SCNN1G: variants seen among roughly 807,000 people sequenced by gnomAD.
The protein encoded by SCNN1G is epithelial sodium channel subunit gamma.
A neutral mutation model predicts 64.6 loss-of-function variants in SCNN1G; 27 were observed. The ratio of observed to expected loss-of-function variants is 0.42; its 90% CI spans 0.31 to 0.58. SCNN1G has a LOEUF of 0.58. SCNN1G is among the 20% of genes least tolerant of loss of function. The pLI is 0.18. For missense variants in SCNN1G, 743 were observed against 823.4 expected, an observed-to-expected ratio of 0.90 and a Z score of 1.19; for synonymous variants, 330 against 314.2, an observed-to-expected ratio of 1.05 and a Z score of -0.53.
In SCNN1G at chr16:23,190,715, G is replaced by T. The variant is rs191464620; in HGVS notation, c.618+1044G>T. On this transcript the variant is annotated intron_variant, in intron 3 of 12. Transcript: ENST00000300061. Reference sequence around the variant, plus strand: ...CTTCCAAAGCAAAATTGAGGTGCAGGCACCCAAAAGAAAAAGACGGACAAT... The same window carrying T: ...CTTCCAAAGCAAAATTGAGGTGCAGTCACCCAAAAGAAAAAGACGGACAAT... Among the ~76,000 whole-genome samples, 159 of 151,814 alleles carry T rather than the reference G, an allele frequency of 1.0e-3. 1 individual carries two copies. Among genetic ancestry groups the T allele is most frequent in the East Asian group, 3.3e-3 (17 of 5,156 alleles).
Position 23,189,649 on chromosome 16 carries a change from A to G in SCNN1G, c.596A>G (p.Lys199Arg). ...TCAAATGTCATGCACATCGAGTCCA[A>G]GCAAGTGGTGGGATTCCAACTGGTA... Reference protein sequence around the residue: ...KASNVMHIESKQVVGFQLCSN... With the variant: ...KASNVMHIESRQVVGFQLCSN... Residue 199 changes from lysine (K) to arginine (R), a missense_variant, in exon 3 of 13, where the codon AAG becomes AGG. Lys to Arg is a conservative substitution (Grantham distance 26). Coordinates refer to ENST00000300061, the MANE Select transcript of SCNN1G (RefSeq NM_001039.4). 6.2e-7 allele frequency: 1 copy of G among 1,614,226 alleles called. No homozygotes were observed. Among genetic ancestry groups the G allele is most frequent in the South Asian group, 1.1e-5 (1 of 91,086 alleles).
At chr16:23,199,758 A>G (rs1040479471) in intron 6 of SCNN1G, among the ~76,000 whole-genome samples, 3 of 134,706 alleles carry the variant, frequency 2.2e-5, no homozygotes, top group African/African-American at 8.5e-5. Flanking sequence ...TGCAAGCTCC[A>G]CATCCCAGGT....
intron 4 of SCNN1G, among the ~76,000 whole-genome samples, chr16:23,193,181 A>C (rs1959739827): frequency 6.6e-6 from 1 of 151,684 alleles, no homozygotes; most frequent in Non-Finnish European, 1.5e-5. Flanking sequence ...CTTGTATATT[A>C]CCATCATGCA....
At chr16:23,186,628 G>A in intron 2 of SCNN1G, 40 bp downstream of exon 2, 3 of 1,567,064 alleles carry the variant, frequency 1.9e-6, no homozygotes, top group South Asian at 1.1e-5. Context: ...AGGGAGCCAG[G>A]CCCCCCACAG....
intron 5 of SCNN1G, among the ~76,000 whole-genome samples, chr16:23,195,624 T>G (rs1313250052): frequency 1.3e-5 from 2 of 152,202 alleles, no homozygotes; most frequent in Non-Finnish European, 2.9e-5. Flanking sequence ...ATCTGGAAAC[T>G]GAAAGTGAAA....
At position 23,189,650 on chromosome 16, in the gene SCNN1G, G is replaced by C. The variant is rs1959673798; in HGVS notation, c.597G>C (p.Lys199Asn). 1 of 1,614,104 alleles carries C rather than the reference G, an allele frequency of 6.2e-7. No homozygotes were observed. Residue 199 changes from lysine to asparagine, a missense_variant, in exon 3 of 13, where the codon AAG becomes AAC. Lys to Asn is a moderately conservative substitution (Grantham distance 94). Transcript: ENST00000300061. ...CAAATGTCATGCACATCGAGTCCAA[G>C]CAAGTGGTGGGATTCCAACTGGTAA... ...KASNVMHIES[K>N]QVVGFQLCSN...
In SCNN1G at chr16:23,197,192, TG is replaced by T. The variant is rs923327826; in HGVS notation, c.914-69del. On this transcript the variant is annotated intron_variant, in intron 5 of 12. Coordinates refer to ENST00000300061, the MANE Select transcript of SCNN1G (RefSeq NM_001039.4). ...CTTGGGTTTGAAGCTCCTGAAGCAG[TG>T]GGAGAGGTGGTTTACCCCCAGGAAA... 7 of 1,280,308 alleles carry T rather than the reference TG, an allele frequency of 5.5e-6. No individual in the cohort carries two copies. The African/African-American group carries it at 1.0e-4, about 19-fold the overall frequency. The allele number at this position is 1,280,308 out of a possible 1,614,324, so 79.3% of individuals were successfully genotyped here. A position where few individuals can be genotyped will look rare whatever the true frequency, so the allele number is the denominator to read the frequency against.
At chr16:23,212,182 C>G in intron 8 of SCNN1G, 31 bp downstream of exon 8, 1 of 1,440,412 alleles carries the variant, frequency 6.9e-7, no homozygotes, top group Middle Eastern at 1.8e-4. Flanking sequence ...GCCTTGCATG[C>G]CCCAGGACCA....
intron 6 of SCNN1G, among the ~76,000 whole-genome samples, chr16:23,200,908 A>G (rs904063079): frequency 1.3e-5 from 2 of 152,212 alleles, no homozygotes; most frequent in Non-Finnish European, 2.9e-5. Context: ...GAAAAGGACA[A>G]CACTGGACAA....
intron 11 of SCNN1G, 57 bp from the exon 12 acceptor site, chr16:23,214,655 G>C: frequency 2.2e-6 from 3 of 1,359,266 alleles, no homozygotes; most frequent in South Asian, 2.3e-5. Context: ...GCCATGCTGA[G>C]GACTGGTAAT....
intron 2 of SCNN1G, among the ~76,000 whole-genome samples, chr16:23,188,013 C>A (rs1164207409): frequency 6.6e-6 from 1 of 152,076 alleles, no homozygotes; most frequent in Non-Finnish European, 1.5e-5. Flanking sequence ...TTTCTCCCTC[C>A]CTCCTTCTCT....
In SCNN1G at chr16:23,202,858, A is replaced by T. The variant is rs180921630; in HGVS notation, c.1077+5431A>T. Among the ~76,000 whole-genome samples, 189 of 152,308 alleles carry T rather than the reference A, an allele frequency of 1.2e-3. 1 individual carries two copies. In the Middle Eastern group the frequency reaches 0.014, roughly 11 times the overall value. On this transcript the variant is annotated intron_variant, in intron 6 of 12. Coordinates refer to ENST00000300061, the MANE Select transcript of SCNN1G (RefSeq NM_001039.4). ...GGGCAGGGTATGTTTTTGGGAGAAG[A>T]TGACCACTTCGATTTGGGACAGACC...
chr16:23,214,205 G>A (rs991311249), intron 11 of SCNN1G, among the ~76,000 whole-genome samples: 4 of 152,178 alleles, frequency 2.6e-5, no homozygotes, highest in Admixed American at 6.5e-5. Context: ...CCACATCTGC[G>A]AAATGAGGAT....
At chr16:23,187,106 CT>C (rs991130957) in intron 2 of SCNN1G, among the ~76,000 whole-genome samples, 1,788 of 117,912 alleles carry the variant, frequency 0.015, 22 homozygotes, top group African/African-American at 0.044. Context: ...CTGGCCTTTT[CT>C]TTTTTTTTTT....
chr16:23,183,966 C>G lies in SCNN1G; in HGVS notation c.-45+1153C>G, dbSNP rs546650374. Among the ~76,000 whole-genome samples the G allele has an allele frequency of 1.7e-3, 264 of 152,254 alleles. 3 individuals are homozygous for G. Among genetic ancestry groups the G allele is most frequent in the African/African-American group, 5.4e-3 (223 of 41,540 alleles). ...TTGTACAATGGAGGTGGTTGTGATA[C>G]CTACCTCAGACGATTATCGTGAAAA... On this transcript the variant is annotated intron_variant, in intron 1 of 12. Coordinates refer to ENST00000300061, the MANE Select transcript of SCNN1G (RefSeq NM_001039.4).
At chr16:23,214,871 T>G in intron 12 of SCNN1G, 84 bp downstream of exon 12, 2 of 1,271,248 alleles carry the variant, frequency 1.6e-6, no homozygotes, top group Non-Finnish European at 2.3e-6. Context: ...AGAATCAGGG[T>G]AGGGGGTTCC....
chr16:23,197,238 C>T (rs1425320249), intron 5 of SCNN1G, 26 bp from the exon 6 acceptor site: 2 of 1,607,470 alleles, frequency 1.2e-6, no homozygotes, highest in Non-Finnish European at 1.7e-6. Context: ...AGCCTTGGAT[C>T]ACAGCAGGTT....
intron 4 of SCNN1G, 66 bp from the exon 5 acceptor site, chr16:23,194,105 C>A: frequency 9.3e-7 from 1 of 1,078,866 alleles, no homozygotes; most frequent in Non-Finnish European, 1.4e-6. Context: ...ATTAGCACTG[C>A]CCTGCCCAAC....
At chr16:23,192,654 T>C in intron 4 of SCNN1G, 112 bp downstream of exon 4, 1 of 841,674 alleles carries the variant, frequency 1.2e-6, no homozygotes, top group Non-Finnish European at 2.0e-6. Flanking sequence ...AAAGGTGCTC[T>C]TCTCACTGAT....
Sources: gnomAD v4.1 joint callset for allele counts (sites outside exome capture counted in the v4.1 genomes callset) on GRCh38, gnomAD v4.1.1 for gene constraint, MANE v1.5 for transcripts, NCBI Gene and HGNC (gene_info 2026-07-23, HGNC 2026-07-21) for gene names.